The following GIGYF2 variants were observed in gnomAD, a reference collection of about 807,000 sequenced individuals.
GIGYF2 encodes the protein GRB10-interacting GYF protein 2.
In GIGYF2, 25 loss-of-function variants were observed where a neutral mutation model predicts 208.1. The ratio of observed to expected loss-of-function variants is 0.12; its 90% CI spans 0.09 to 0.17. GIGYF2 has a LOEUF of 0.17. GIGYF2 is among the 10% of genes least tolerant of loss of function. GIGYF2 has a pLI of 1.00. For missense variants in GIGYF2, 1,302 were observed against 1,579.4 expected (o/e 0.82, Z 2.98); for synonymous variants, 534 against 543.8 (o/e 0.98, Z 0.25).
At chr2:232,713,407 T>A (rs543256955) in intron 2 of GIGYF2, among the ~76,000 whole-genome samples, 2 of 152,322 alleles carry the variant, frequency 1.3e-5, no homozygotes, top group Admixed American at 1.3e-4. Flanking sequence ...TTTTTTTCTT[T>A]AATAATAGGC....
intron 2 of GIGYF2, among the ~76,000 whole-genome samples, chr2:232,732,640 ATT>A (rs112179324): frequency 2.8e-5 from 4 of 144,434 alleles, no homozygotes; most frequent in African/African-American, 7.6e-5. Flanking sequence ...AATTTTTTTA[ATT>A]TTTTTTTTTT....
intron 13 of GIGYF2, among the ~76,000 whole-genome samples, chr2:232,795,381 A>G (rs1700193704): frequency 6.6e-6 from 1 of 152,236 alleles, no homozygotes; most frequent in African/African-American, 2.4e-5. Context: ...TATGTAAAGT[A>G]AGTGATAGCT....
At chr2:232,790,413 T>A (rs993273263) in intron 9 of GIGYF2, among the ~76,000 whole-genome samples, 5 of 152,222 alleles carry the variant, frequency 3.3e-5, no homozygotes, top group Non-Finnish European at 7.3e-5. Context: ...TGAAAGTGCG[T>A]ACTTGGAATA....
chr2:232,795,453 T>A (rs1202273801), intron 13 of GIGYF2, among the ~76,000 whole-genome samples: 1 of 152,222 alleles, frequency 6.6e-6, no homozygotes, highest in African/African-American at 2.4e-5. Context: ...CAGGAAATGC[T>A]GAAGAAAGGA....
intron 2 of GIGYF2, among the ~76,000 whole-genome samples, chr2:232,718,083 T>TTTG (rs902767342): frequency 6.6e-6 from 1 of 151,948 alleles, no homozygotes; most frequent in Non-Finnish European, 1.5e-5. Flanking sequence ...AGTAATTTTT[T>TTTG]TTGTTGTTGT....
chr2:232,832,502 A>G (rs1701452003), intron 21 of GIGYF2, among the ~76,000 whole-genome samples: 1 of 152,182 alleles, frequency 6.6e-6, no homozygotes, highest in African/African-American at 2.4e-5. Context: ...AGGTATTGGT[A>G]GCTCTTAGCG....
At chr2:232,746,408 G>C (rs930352552) in intron 3 of GIGYF2, among the ~76,000 whole-genome samples, 2 of 151,716 alleles carry the variant, frequency 1.3e-5, no homozygotes, top group African/African-American at 4.8e-5. Flanking sequence ...AGCAGTTTTG[G>C]GCACATATTT....
intron 2 of GIGYF2, among the ~76,000 whole-genome samples, chr2:232,724,169 T>C (rs1465998398): frequency 6.6e-6 from 1 of 150,910 alleles, no homozygotes; most frequent in Non-Finnish European, 1.5e-5. Context: ...GCCTTCTGAG[T>C]AGCTGAGATT....
chr2:232,812,113 G>C (rs1700751109), intron 17 of GIGYF2, among the ~76,000 whole-genome samples: 1 of 152,084 alleles, frequency 6.6e-6, no homozygotes, highest in African/African-American at 2.4e-5. Flanking sequence ...GTATCTTTAA[G>C]ATATACATAT....
rs1419628592 is a variant in GIGYF2, at chr2:232,809,781, A to G, written c.1868A>G (p.Gln623Arg). The G allele has an allele frequency of 6.2e-7, 1 of 1,606,036 alleles. No homozygotes were observed. The highest frequency in any genetic ancestry group is 1.3e-5 in the African/African-American group (1 of 74,792). ...GAACTCACAGCCTTATACCAGATGCAGCACCTGCAGTACCAGCAGTTTTTA... is the reference window on the plus strand; with the variant it reads ...GAACTCACAGCCTTATACCAGATGCGGCACCTGCAGTACCAGCAGTTTTTA... ...QQELTALYQM[Q>R]HLQYQQFLIQ... The change falls in exon 16 of 29, where the codon CAG (glutamine) becomes CGG (arginine). Residue 623 changes from glutamine (Q) to arginine (R), a missense_variant. Transcript: ENST00000373563.
chr2:232,735,707 G>C lies in GIGYF2; in HGVS notation c.41+469G>C, dbSNP rs952381285. 4 of 988,988 alleles carry C rather than the reference G, an allele frequency of 4.0e-6. No individual in the cohort carries two copies. The African/African-American group carries it at 7.0e-5, about 17-fold the overall frequency. The allele number at this position is 988,988 out of a possible 1,614,324, so 61.3% of individuals were successfully genotyped here. On this transcript the variant is annotated intron_variant, in intron 3 of 28. Transcript: ENST00000373563. Reference sequence around the variant, plus strand: ...CTGGCTGTTAACAGTAGCCTATCTAGGATTCAGTTAGCATTGGACATAATA... The same window carrying C: ...CTGGCTGTTAACAGTAGCCTATCTACGATTCAGTTAGCATTGGACATAATA...
intron 22 of GIGYF2, among the ~76,000 whole-genome samples, chr2:232,834,731 G>T (rs749173596): frequency 2.6e-5 from 4 of 152,042 alleles, no homozygotes; most frequent in Non-Finnish European, 5.9e-5. Flanking sequence ...GCTCTCTTCA[G>T]TTTTCATGTT....
Position 232,777,068 on chromosome 2 carries a change from A to G in GIGYF2, c.533-10082A>G, listed in dbSNP as rs576506635. 2.3e-3 allele frequency among the ~76,000 whole-genome samples: 343 copies of G among 152,202 alleles called. 3 individuals are homozygous for G. Among genetic ancestry groups the G allele is most frequent in the South Asian group, 5.4e-3 (26 of 4,826 alleles). ...TACCATTAGTTCCAGAACTAGTAAT[A>G]TAGATAATTACGTGAAATCTTTTAT... On this transcript the variant is annotated intron_variant, in intron 8 of 28. Coordinates refer to ENST00000373563, the MANE Select transcript of GIGYF2 (RefSeq NM_001103146.3).
intron 21 of GIGYF2, among the ~76,000 whole-genome samples, chr2:232,830,290 C>G (rs1559156748): frequency 1.3e-5 from 2 of 152,076 alleles, no homozygotes; most frequent in African/African-American, 4.8e-5. Flanking sequence ...GCTCAGTATA[C>G]CTGTTCTTTT....
intron 2 of GIGYF2, among the ~76,000 whole-genome samples, chr2:232,715,983 G>A (rs1194869869): frequency 6.6e-6 from 1 of 152,132 alleles, no homozygotes; most frequent in Non-Finnish European, 1.5e-5. Context: ...AGTAATTAAA[G>A]AATATTGCAA....
rs551467313 is a variant in GIGYF2 at position 232,820,240 on chromosome 2, T to C, written c.2529+255T>C. Among the ~76,000 whole-genome samples, 24 of 152,232 alleles carry C rather than the reference T, an allele frequency of 1.6e-4. No homozygotes were observed. The South Asian group carries it at 3.7e-3, about 24-fold the overall frequency. ...TATAGTGGAAATGTTGTAAAATACA[T>C]GGTCTTTTTTAAAGCAAGTTTCAAA... On this transcript the variant is annotated intron_variant, in intron 21 of 28. Transcript: ENST00000373563.
intron 2 of GIGYF2, among the ~76,000 whole-genome samples, chr2:232,725,824 A>G (rs1331348458): frequency 6.6e-6 from 1 of 152,252 alleles, no homozygotes; most frequent in Admixed American, 6.5e-5. Context: ...AGATAATATT[A>G]GCAGTATCCA....
In GIGYF2 at chr2:232,822,713, G is replaced by T. The variant is rs577121127; in HGVS notation, c.2529+2728G>T. On this transcript the variant is annotated intron_variant, in intron 21 of 28. Coordinates refer to ENST00000373563, the MANE Select transcript of GIGYF2 (RefSeq NM_001103146.3). Reference sequence around the variant, plus strand: ...AAGCTGTTTATTTTCCAGTTCTATGGAATTGGAATTGCCAGTTCTATAGAA... The same window carrying T: ...AAGCTGTTTATTTTCCAGTTCTATGTAATTGGAATTGCCAGTTCTATAGAA... 3.3e-5 allele frequency among the ~76,000 whole-genome samples: 5 copies of T among 152,260 alleles called. No homozygotes were observed. The East Asian group carries it at 9.6e-4, about 29-fold the overall frequency.
At chr2:232,746,207 A>G (rs1285732413) in intron 3 of GIGYF2, among the ~76,000 whole-genome samples, 2 of 151,906 alleles carry the variant, frequency 1.3e-5, no homozygotes, top group Non-Finnish European at 2.9e-5. Flanking sequence ...CAACAGTCTC[A>G]CTTTACTAAT....
Sources: gnomAD v4.1 joint callset for allele counts (sites outside exome capture counted in the v4.1 genomes callset) on GRCh38, gnomAD v4.1.1 for gene constraint, MANE v1.5 for transcripts, NCBI Gene and HGNC (gene_info 2026-07-23, HGNC 2026-07-21) for gene names.